Variants in DLGAP2 observed in about 807,000 individuals in gnomAD.
DLGAP2 encodes the protein DLG associated protein 2, also known as disks large-associated protein 2.
A neutral mutation model predicts 100.3 loss-of-function variants in DLGAP2; 26 were observed. The observed-to-expected ratio is 0.26, with a 90% CI of 0.19 to 0.36. The LOEUF (loss-of-function observed/expected upper bound fraction) is 0.36. DLGAP2 is among the 10% of genes least tolerant of loss of function. The pLI, the probability that DLGAP2 is intolerant of heterozygous loss-of-function variation, is 1.00. For missense variants in DLGAP2, 1,858 were observed against 1,453.2 expected (o/e 1.28, Z -4.53); for synonymous variants, 886 against 630.1 (o/e 1.41, Z -6.08).
At position 1,241,950 on chromosome 8, in the gene DLGAP2, C is replaced by G. The variant is rs377241630; in HGVS notation, c.74-16901C>G. On this transcript the variant is annotated intron_variant, in intron 2 of 14. Coordinates refer to ENST00000637795, the MANE Select transcript of DLGAP2 (RefSeq NM_001346810.2). ...TGACAAGGTACATGAATGATGATCA[C>G]TGCCTCTACTGAAACATTCCTTTAT... is the stretch of plus-strand genomic sequence containing the variant. 7.2e-5 allele frequency among the ~76,000 whole-genome samples: 11 copies of G among 152,324 alleles called. 1 individual carries two copies. The East Asian group carries it at 9.7e-4, about 13-fold the overall frequency.
At chr8:1,625,037 G>A (rs1257881005) in intron 6 of DLGAP2, among the ~76,000 whole-genome samples, 2 of 151,910 alleles carry the variant, frequency 1.3e-5, no homozygotes, top group Middle Eastern at 3.2e-3. Context: ...ATTGAGTCCA[G>A]TTTTTTTTCT....
intron 3 of DLGAP2, among the ~76,000 whole-genome samples, chr8:1,312,114 G>A (rs1002222881): frequency 2.0e-5 from 3 of 152,218 alleles, no homozygotes; most frequent in Admixed American, 1.3e-4. Flanking sequence ...TTCTTCCCAA[G>A]CTCGCACAGA....
chr8:1,218,583 G>T (rs1277129681), intron 2 of DLGAP2, among the ~76,000 whole-genome samples: 2 of 151,874 alleles, frequency 1.3e-5, no homozygotes, highest in Non-Finnish European at 2.9e-5. Flanking sequence ...CTCCACCTTT[G>T]CTCTTTTTGC....
chr8:1,306,230 G>T (rs957306478), intron 3 of DLGAP2, among the ~76,000 whole-genome samples: 3 of 151,894 alleles, frequency 2.0e-5, no homozygotes, highest in African/African-American at 7.3e-5. Flanking sequence ...GTATAAAAAA[G>T]GATTCAGCAA....
At chr8:1,418,696 G>A (rs1797006273) in intron 3 of DLGAP2, among the ~76,000 whole-genome samples, 1 of 152,108 alleles carries the variant, frequency 6.6e-6, no homozygotes, top group South Asian at 2.1e-4. Context: ...GCCACCAAAT[G>A]TGTGTATATT....
intron 1 of DLGAP2, among the ~76,000 whole-genome samples, chr8:902,448 G>C (rs984483863): frequency 6.7e-6 from 1 of 149,342 alleles, no homozygotes; most frequent in East Asian, 2.1e-4. Context: ...GGGTCCAGGC[G>C]TGTGCAAGGT....
chr8:845,958 C>T (rs1797063864), intron 1 of DLGAP2, among the ~76,000 whole-genome samples: 1 of 152,208 alleles, frequency 6.6e-6, no homozygotes, highest in Non-Finnish European at 1.5e-5. Flanking sequence ...TGTCAAAAAT[C>T]AATTGTCCAG....
intron 3 of DLGAP2, among the ~76,000 whole-genome samples, chr8:1,351,011 T>C: frequency 9.0e-6 from 1 of 111,640 alleles, no homozygotes; most frequent in East Asian, 3.0e-4. Context: ...GTCCTGACTG[T>C]GTGTGGAACG....
At chr8:1,540,867 T>G (rs11136406) in intron 4 of DLGAP2, among the ~76,000 whole-genome samples, 69,840 of 152,196 alleles carry the variant, frequency 0.46, 16,231 homozygotes, top group East Asian at 0.58. Context: ...TCTCATCTAT[T>G]TGGGGCTAAG....
intron 5 of DLGAP2, among the ~76,000 whole-genome samples, chr8:1,562,685 C>T: frequency 2.4e-5 from 1 of 41,486 alleles, no homozygotes; most frequent in African/African-American, 1.3e-4. Flanking sequence ...GTCCGCGCCT[C>T]ATTACTGGGG....
rs908619375 is a variant in DLGAP2 at position 1,418,946 on chromosome 8, C to G, written c.107-82420C>G. ...ATGGCTCACAGAACTCGGGGAAACA[C>G]TTTACTTGTGTTTACCCACACTATG... On this transcript the variant is annotated intron_variant, in intron 3 of 14. Transcript: ENST00000637795. Among the ~76,000 whole-genome samples, 66 of 152,210 alleles carry G rather than the reference C, an allele frequency of 4.3e-4. 1 individual carries two copies. The highest frequency in any genetic ancestry group is 1.2e-4 in the Non-Finnish European group (8 of 68,042).
At chr8:1,220,846 A>C (rs1023391528) in intron 2 of DLGAP2, among the ~76,000 whole-genome samples, 1 of 150,278 alleles carries the variant, frequency 6.7e-6, no homozygotes, top group African/African-American at 2.4e-5. Context: ...ACCTTTTATC[A>C]TTATGTAATG....
At chr8:1,470,518 A>G (rs1798750319) in intron 3 of DLGAP2, among the ~76,000 whole-genome samples, 1 of 152,142 alleles carries the variant, frequency 6.6e-6, no homozygotes, top group South Asian at 2.1e-4. Context: ...TAAATACAAC[A>G]AAATCCATGG....
chr8:1,139,370 T>C (rs1796481595), intron 2 of DLGAP2, among the ~76,000 whole-genome samples: 1 of 152,256 alleles, frequency 6.6e-6, no homozygotes, highest in Admixed American at 6.5e-5. Context: ...CATTTCCTTC[T>C]CACAGTTCTG....
At chr8:1,213,790 C>T (rs143649576) in intron 2 of DLGAP2, among the ~76,000 whole-genome samples, 2 of 152,194 alleles carry the variant, frequency 1.3e-5, no homozygotes, top group African/African-American at 2.4e-5. Context: ...TCCAGTGGCT[C>T]CCATGGCCAT....
In DLGAP2 at chr8:1,083,740, C is replaced by T. The variant is rs191615916; in HGVS notation, c.74-175111C>T. On this transcript the variant is annotated intron_variant, in intron 2 of 14. Transcript: ENST00000637795. Reference sequence around the variant, plus strand: ...TGAAAGCATTAATTTCATGTGCAAGCGCCAGTACACGATTCAGCAATTACA... The same window carrying T: ...TGAAAGCATTAATTTCATGTGCAAGTGCCAGTACACGATTCAGCAATTACA... 2.4e-4 allele frequency among the ~76,000 whole-genome samples: 36 copies of T among 152,132 alleles called. No homozygotes were observed. In the East Asian group the frequency reaches 4.1e-3, roughly 17 times the overall value.
In DLGAP2 at chr8:1,176,261, C is replaced by T. The variant is rs141614213; in HGVS notation, c.74-82590C>T. Among the ~76,000 whole-genome samples the T allele has an allele frequency of 7.3e-3, 1,112 of 152,228 alleles. 5 individuals are homozygous for T. The highest frequency in any genetic ancestry group is 0.02 in the Middle Eastern group (6 of 294). On this transcript the variant is annotated intron_variant, in intron 2 of 14. Coordinates refer to ENST00000637795, the MANE Select transcript of DLGAP2 (RefSeq NM_001346810.2). ...CCATCAGACCTCGTGAGAATTCCCT[C>T]ATTACCACAAGAATAGCATGGGGAA...
chr8:997,168 C>T (rs1800805752), intron 2 of DLGAP2, among the ~76,000 whole-genome samples: 1 of 152,112 alleles, frequency 6.6e-6, no homozygotes, highest in Non-Finnish European at 1.5e-5. Flanking sequence ...TCATGATCCT[C>T]AGTTTCTGAG....
chr8:1,319,108 G>C (rs549427696), intron 3 of DLGAP2, among the ~76,000 whole-genome samples: 2 of 152,092 alleles, frequency 1.3e-5, no homozygotes, highest in Admixed American at 1.3e-4. Flanking sequence ...TGAGGTCTCC[G>C]AGGGCTGGAG....
Sources: gnomAD v4.1 joint callset for allele counts (sites outside exome capture counted in the v4.1 genomes callset) on GRCh38, gnomAD v4.1.1 for gene constraint, MANE v1.5 for transcripts, NCBI Gene and HGNC (gene_info 2026-07-23, HGNC 2026-07-21) for gene names.